The following GPR158 variants were observed in gnomAD, a reference collection of about 807,000 sequenced individuals.
GPR158 encodes metabotropic glycine receptor.
GPR158 carries 30 observed loss-of-function variants against 78.2 expected under a neutral mutation model. The observed-to-expected ratio is 0.38, with a 90% CI of 0.29 to 0.52. GPR158 has a LOEUF of 0.52. Ranked by LOEUF, GPR158 falls within the 20% of genes least tolerant of loss-of-function variation. The probability of loss-of-function intolerance (pLI) is 0.83; values close to 1 mark genes in which losing one functional copy is unlikely to be tolerated. For synonymous variants in GPR158, 581 were observed against 591.1 expected (o/e 0.98, Z 0.25); for missense variants, 1,463 against 1,523.5 (o/e 0.96, Z 0.66).
At chr10:25,538,452 T>C (rs928456720) in intron 5 of GPR158, among the ~76,000 whole-genome samples, 1 of 152,198 alleles carries the variant, frequency 6.6e-6, no homozygotes, top group East Asian at 1.9e-4. Flanking sequence ...TGTATGTTTC[T>C]ATGTATGTAC....
At chr10:25,263,001 C>T (rs1853989445) in intron 2 of GPR158, among the ~76,000 whole-genome samples, 1 of 151,990 alleles carries the variant, frequency 6.6e-6, no homozygotes, top group Admixed American at 6.6e-5. Context: ...TGTGGCTTCT[C>T]TTTTTATTTT....
intron 2 of GPR158, among the ~76,000 whole-genome samples, chr10:25,265,602 T>C (rs1854035505): frequency 6.6e-6 from 1 of 152,160 alleles, no homozygotes; most frequent in Non-Finnish European, 1.5e-5. Flanking sequence ...GACATGGCAT[T>C]CTTCATTGAT....
chr10:25,562,794 C>T (rs1408418316), intron 6 of GPR158, among the ~76,000 whole-genome samples: 1 of 152,194 alleles, frequency 6.6e-6, no homozygotes, highest in Non-Finnish European at 1.5e-5. Context: ...GTCTAGTTGG[C>T]TTATGATGCT....
At chr10:25,212,308 C>T (rs991135877) in intron 1 of GPR158, among the ~76,000 whole-genome samples, 2 of 152,078 alleles carry the variant, frequency 1.3e-5, no homozygotes, top group African/African-American at 2.4e-5. Context: ...TGTGAGCAGG[C>T]GTCTTACATG....
intron 5 of GPR158, among the ~76,000 whole-genome samples, chr10:25,467,974 G>T (rs1312165091): frequency 6.6e-6 from 1 of 152,018 alleles, no homozygotes; most frequent in African/African-American, 2.4e-5. Context: ...GTGCTGCCTA[G>T]CATTAGATAT....
chr10:25,177,133 A>C (rs1852548055), intron 1 of GPR158, among the ~76,000 whole-genome samples: 1 of 152,208 alleles, frequency 6.6e-6, no homozygotes, highest in Admixed American at 6.5e-5. Flanking sequence ...GAATTCACTC[A>C]AGGAGGCTGG....
chr10:25,429,841 G>C (rs1253825002), intron 4 of GPR158, among the ~76,000 whole-genome samples: 4 of 142,086 alleles, frequency 2.8e-5, no homozygotes, highest in Non-Finnish European at 6.1e-5. Context: ...CAATAAATTA[G>C]GTATTGATGG....
intron 2 of GPR158, among the ~76,000 whole-genome samples, chr10:25,279,917 T>A (rs1854243567): frequency 6.6e-6 from 1 of 151,678 alleles, no homozygotes; most frequent in African/African-American, 2.4e-5. Context: ...CACTAGCGAT[T>A]AATTTTAGAC....
Position 25,599,478 on chromosome 10 carries a change from A to G in GPR158, c.*204A>G. On this transcript the variant is annotated 3_prime_UTR_variant, in exon 11 of 11. Transcript: ENST00000376351. ...GGAGAAGTCAGACTTTGGTCAAGAAAGTCCTTCCCTTGGTAACACTAGGAA... is the reference window on the plus strand; with the variant it reads ...GGAGAAGTCAGACTTTGGTCAAGAAGGTCCTTCCCTTGGTAACACTAGGAA... 2 of 556,066 alleles carry G rather than the reference A, an allele frequency of 3.6e-6. No individual in the cohort carries two copies. Among genetic ancestry groups the G allele is most frequent in the Non-Finnish European group, 3.2e-6 (1 of 314,814 alleles). 34.4% of individuals were successfully genotyped at this position (556,066 alleles called of 1,614,324 possible).
chr10:25,273,767 C>T (rs1357406309), intron 2 of GPR158, among the ~76,000 whole-genome samples: 1 of 152,050 alleles, frequency 6.6e-6, no homozygotes, highest in Non-Finnish European at 1.5e-5. Context: ...GAAGCCTCGA[C>T]CTCCCAGGCT....
At chr10:25,532,906 C>T (rs1836446010) in intron 5 of GPR158, among the ~76,000 whole-genome samples, 1 of 152,130 alleles carries the variant, frequency 6.6e-6, no homozygotes, top group South Asian at 2.1e-4. Flanking sequence ...TATGCTATTA[C>T]TGTTCTGCAG....
intron 5 of GPR158, among the ~76,000 whole-genome samples, chr10:25,525,545 CA>C (rs1299506514): frequency 6.6e-6 from 1 of 151,846 alleles, no homozygotes; most frequent in Non-Finnish European, 1.5e-5. Context: ...TGTGCTAAAT[CA>C]AAAAAAGCAA....
intron 2 of GPR158, among the ~76,000 whole-genome samples, chr10:25,329,439 C>CA (rs57202909): frequency 0.11 from 14,723 of 130,894 alleles, 1,402 homozygotes; most frequent in African/African-American, 0.27. Context: ...GACTCCGTTT[C>CA]AAAAAAAAAA....
intron 7 of GPR158, among the ~76,000 whole-genome samples, chr10:25,587,668 T>A (rs1564498584): frequency 6.6e-6 from 1 of 151,898 alleles, no homozygotes; most frequent in Non-Finnish European, 1.5e-5. Flanking sequence ...AGGTCCACCA[T>A]GCTGAATAAG....
chr10:25,481,235 G>C lies in GPR158; in HGVS notation c.1404+14516G>C, dbSNP rs189133283. ...AGAGTGTCACCCAAGCAGATTTCCT[G>C]CTGGGAGTTCCAGTTGGTGGGTTTA... On this transcript the variant is annotated intron_variant, in intron 5 of 10. Transcript: ENST00000376351. Among the ~76,000 whole-genome samples the C allele has an allele frequency of 2.3e-3, 347 of 152,212 alleles. 4 individuals carry two copies. Among genetic ancestry groups the C allele is most frequent in the Non-Finnish European group, 1.5e-3 (104 of 68,018 alleles).
chr10:25,263,623 T>A (rs765515690), intron 2 of GPR158, among the ~76,000 whole-genome samples: 2 of 152,202 alleles, frequency 1.3e-5, no homozygotes, highest in Non-Finnish European at 2.9e-5. Flanking sequence ...GAATTGGCTG[T>A]AGGGGCCATT....
chr10:25,452,305 C>A (rs1835231361), intron 4 of GPR158, among the ~76,000 whole-genome samples: 1 of 152,164 alleles, frequency 6.6e-6, no homozygotes, highest in African/African-American at 2.4e-5. Flanking sequence ...CCCTGCCTCG[C>A]AAAATGCTAG....
intron 1 of GPR158, among the ~76,000 whole-genome samples, chr10:25,177,363 C>T (rs760180548): frequency 2.6e-5 from 4 of 152,330 alleles, no homozygotes; most frequent in Non-Finnish European, 5.9e-5. Flanking sequence ...GAACTGAGAT[C>T]TTCCCTTAGT....
At chr10:25,274,268 A>G (rs1404462600) in intron 2 of GPR158, among the ~76,000 whole-genome samples, 1 of 152,220 alleles carries the variant, frequency 6.6e-6, no homozygotes, top group Non-Finnish European at 1.5e-5. Context: ...CACACAATTT[A>G]TTAAAATAGT....
Sources: gnomAD v4.1 joint callset for allele counts (sites outside exome capture counted in the v4.1 genomes callset) on GRCh38, gnomAD v4.1.1 for gene constraint, MANE v1.5 for transcripts, NCBI Gene and HGNC (gene_info 2026-07-23, HGNC 2026-07-21) for gene names.